CDIN1: variants seen among roughly 807,000 people sequenced by gnomAD.
The protein encoded by CDIN1 is CDAN1 interacting nuclease 1, also known as CDAN1-interacting nuclease 1.
Under a neutral mutation model 45.3 loss-of-function variants are expected in CDIN1, and 33 were observed. The ratio of observed to expected loss-of-function variants is 0.73; its 90% confidence interval spans 0.55 to 0.97. CDIN1 has a LOEUF of 0.97. Ranked by LOEUF, CDIN1 falls within the 50% of genes least tolerant of loss-of-function variation. CDIN1 has a pLI of 0.00. For synonymous variants in CDIN1, 118 were observed against 124.4 expected, an observed-to-expected ratio of 0.95 and a Z score of 0.34; for missense variants, 303 against 339.4, an observed-to-expected ratio of 0.89 and a Z score of 0.84.
chr15:36,745,377 T>C (rs923799025), intron 10 of CDIN1, among the ~76,000 whole-genome samples: 3 of 152,184 alleles, frequency 2.0e-5, no homozygotes, highest in Non-Finnish European at 4.4e-5. Flanking sequence ...ATTAACCATT[T>C]GTTCAACTTT....
At chr15:36,710,028 T>G in intron 10 of CDIN1, 67 bp downstream of exon 10, 1 of 1,241,144 alleles carries the variant, frequency 8.1e-7, no homozygotes, top group Non-Finnish European at 1.1e-6. Context: ...GAAAAAAATA[T>G]TTTGTTTAGC....
chr15:36,600,049 A>T (rs1371842228), intron 1 of CDIN1, among the ~76,000 whole-genome samples: 1 of 152,230 alleles, frequency 6.6e-6, no homozygotes, highest in Non-Finnish European at 1.5e-5. Context: ...TGAATTGGAA[A>T]TTGTCTGGAC....
At chr15:36,745,896 T>G (rs1347387503) in intron 10 of CDIN1, among the ~76,000 whole-genome samples, 2 of 151,674 alleles carry the variant, frequency 1.3e-5, no homozygotes, top group African/African-American at 4.9e-5. Flanking sequence ...AACCCAGGAG[T>G]TAGAGGTTGC....
intron 10 of CDIN1, among the ~76,000 whole-genome samples, chr15:36,720,138 G>A (rs1316450743): frequency 1.3e-5 from 2 of 149,446 alleles, no homozygotes; most frequent in Non-Finnish European, 3.0e-5. Flanking sequence ...TTCTTTTTGT[G>A]TATTAATTTC....
At chr15:36,793,820 G>C (rs1398777357) in intron 10 of CDIN1, among the ~76,000 whole-genome samples, 2 of 152,122 alleles carry the variant, frequency 1.3e-5, no homozygotes, top group Non-Finnish European at 2.9e-5. Context: ...CCCATTGTGT[G>C]ATCCCCACTC....
intron 10 of CDIN1, among the ~76,000 whole-genome samples, chr15:36,800,551 C>G (rs1470614176): frequency 6.6e-6 from 1 of 152,066 alleles, no homozygotes; most frequent in African/African-American, 2.4e-5. Context: ...ACAACTCTGT[C>G]TGGATATACA....
At chr15:36,588,817 A>G (rs1038536640) in intron 1 of CDIN1, among the ~76,000 whole-genome samples, 2 of 152,138 alleles carry the variant, frequency 1.3e-5, no homozygotes, top group Non-Finnish European at 2.9e-5. Context: ...ATATTTGTGC[A>G]TCTTTGCATT....
intron 1 of CDIN1, among the ~76,000 whole-genome samples, chr15:36,616,582 G>GT (rs1260808947): frequency 6.6e-6 from 1 of 152,112 alleles, no homozygotes; most frequent in African/African-American, 2.4e-5. Flanking sequence ...TCTGCATAGA[G>GT]TAATATCAGC....
chr15:36,625,739 A>C (rs2039396189), intron 1 of CDIN1, among the ~76,000 whole-genome samples: 2 of 152,216 alleles, frequency 1.3e-5, no homozygotes, highest in African/African-American at 2.4e-5. Flanking sequence ...CTAGCTGGGA[A>C]TATTGGAGGA....
At chr15:36,663,525 T>G (rs1032308508) in intron 5 of CDIN1, among the ~76,000 whole-genome samples, 8 of 152,090 alleles carry the variant, frequency 5.3e-5, no homozygotes, top group Admixed American at 1.3e-4. Context: ...TAATAGTGAG[T>G]GAGTTCTCAC....
intron 5 of CDIN1, among the ~76,000 whole-genome samples, chr15:36,672,058 T>C (rs558085184): frequency 8.8e-4 from 134 of 152,260 alleles, no homozygotes; most frequent in African/African-American, 2.9e-3. Context: ...GTAGGCAGAA[T>C]TTTGAAACAT....
chr15:36,741,322 C>G (rs2044230158), intron 10 of CDIN1, among the ~76,000 whole-genome samples: 1 of 152,206 alleles, frequency 6.6e-6, no homozygotes, highest in African/African-American at 2.4e-5. Flanking sequence ...AGAAACAAAA[C>G]AACTTTACCT....
chr15:36,646,187 A>G (rs1221779486), intron 3 of CDIN1, among the ~76,000 whole-genome samples: 1 of 152,220 alleles, frequency 6.6e-6, no homozygotes. Flanking sequence ...CTGATTTTAG[A>G]TGAATGATTT....
At chr15:36,749,956 G>T (rs182996034) in intron 10 of CDIN1, among the ~76,000 whole-genome samples, 10 of 152,298 alleles carry the variant, frequency 6.6e-5, no homozygotes, top group African/African-American at 2.4e-4. Context: ...AGCAGAGCCA[G>T]TATACCTTCT....
At chr15:36,725,240 A>G (rs187346410) in intron 10 of CDIN1, among the ~76,000 whole-genome samples, 3 of 152,022 alleles carry the variant, frequency 2.0e-5, no homozygotes, top group Admixed American at 2.0e-4. Context: ...CCTCAAACAC[A>G]AAGTGCTGCC....
chr15:36,591,348 T>G (rs1173416603), intron 1 of CDIN1, among the ~76,000 whole-genome samples: 2 of 152,070 alleles, frequency 1.3e-5, no homozygotes, highest in African/African-American at 4.8e-5. Context: ...GCTAATAAAA[T>G]TTGAAATTAA....
rs2038564705 is a variant in CDIN1, at chr15:36,609,859, A to G, written c.101+29898A>G. On this transcript the variant is annotated intron_variant, in intron 1 of 10. Coordinates refer to ENST00000566621, the MANE Select transcript of CDIN1 (RefSeq NM_001321759.2). ...AGGATGTGTTAAGCTTTTAAGAAGG[A>G]TGTAGTGCCAGGATAATGCCCTGCC... Among the ~76,000 whole-genome samples, 3 of 152,208 alleles carry G rather than the reference A, an allele frequency of 2.0e-5. No homozygotes were observed. In the South Asian group the frequency reaches 6.2e-4, roughly 32 times the overall value.
intron 10 of CDIN1, among the ~76,000 whole-genome samples, chr15:36,777,022 C>G (rs1477666228): frequency 6.6e-6 from 1 of 152,064 alleles, no homozygotes; most frequent in Non-Finnish European, 1.5e-5. Flanking sequence ...CACTTCTGAT[C>G]TTAAGGTTAT....
At chr15:36,711,857 G>T (rs773577344) in intron 10 of CDIN1, among the ~76,000 whole-genome samples, 7 of 152,070 alleles carry the variant, frequency 4.6e-5, no homozygotes, top group Non-Finnish European at 7.4e-5. Context: ...TGGAACTTTG[G>T]GGTATTTACT....
Sources: gnomAD v4.1 joint callset for allele counts (sites outside exome capture counted in the v4.1 genomes callset) on GRCh38, gnomAD v4.1.1 for gene constraint, MANE v1.5 for transcripts, NCBI Gene and HGNC (gene_info 2026-07-23, HGNC 2026-07-21) for gene names.